The following APAF1 variants were observed in gnomAD, a reference collection of about 807,000 sequenced individuals.
The protein encoded by APAF1 is apoptotic protease-activating factor 1.
APAF1 carries 91 observed loss-of-function variants against 152.4 expected under a neutral mutation model. The observed-to-expected ratio is 0.60, with a 90% CI of 0.50 to 0.71. The LOEUF is 0.71. APAF1 is among the 30% of genes least tolerant of loss of function. The pLI is 0.00. For synonymous variants in APAF1, 484 were observed against 494.1 expected (o/e 0.98, Z 0.27); for missense variants, 1,283 against 1,472.0 (o/e 0.87, Z 2.10).
intron 22 of APAF1, 39 bp from the exon 23 acceptor site, chr12:98,723,154 G>T: frequency 1.2e-6 from 2 of 1,604,356 alleles, no homozygotes; most frequent in South Asian, 2.2e-5. Context: ...AGATAGGATC[G>T]GGGGAGGATT....
chr12:98,665,590 A>G lies in APAF1; in HGVS notation c.993A>G (p.Leu331=), dbSNP rs199648389. 6.2e-7 allele frequency: 1 copy of G among 1,613,592 alleles called. No individual in the cohort carries two copies. Among genetic ancestry groups the G allele is most frequent in the East Asian group, 2.2e-5 (1 of 44,858 alleles). The stretch of plus-strand genomic sequence containing the variant: ...TAGTATCTTTAATTGGTGCACTTTT[A>G]CGTGATTTTCCCAATCGCTGGGAGT... ...PLVVSLIGAL[L]RDFPNRWEYY... The change falls in exon 8 of 27, where the codon TTA becomes TTG. Residue 331 remains leucine, a synonymous_variant. Transcript: ENST00000551964.
intron 22 of APAF1, among the ~76,000 whole-genome samples, chr12:98,716,617 T>C (rs1450189812): frequency 2.0e-5 from 3 of 152,240 alleles, no homozygotes; most frequent in Non-Finnish European, 2.9e-5. Flanking sequence ...CCCAGAATCT[T>C]GAAATTTCCT....
At chr12:98,658,809 T>G (rs780565840) in intron 4 of APAF1, among the ~76,000 whole-genome samples, 34 of 152,176 alleles carry the variant, frequency 2.2e-4, no homozygotes, top group Non-Finnish European at 4.3e-4. Flanking sequence ...GACAGTCCCT[T>G]ACAACAAAGA....
rs754044920 is a variant in APAF1, at chr12:98,727,184, C to T, written c.3468C>T (p.Val1156=). Residue 1156 remains valine, a synonymous_variant, in exon 26 of 27, where the codon GTC becomes GTT. Transcript: ENST00000551964. ...DDNGEIRIWN[V]SNGELLHLCA... ...TCATGTTTATGTAGATATGGAATGT[C>T]TCAAACGGTGAGCTTCTTCATTTGT... 1.2e-6 allele frequency: 2 copies of T among 1,613,958 alleles called. No individual in the cohort carries two copies. Among genetic ancestry groups the T allele is most frequent in the East Asian group, 2.2e-5 (1 of 44,886 alleles).
chr12:98,670,759 A>G, intron 10 of APAF1: 1 of 388,224 alleles, frequency 2.6e-6, no homozygotes, highest in South Asian at 7.2e-5. Flanking sequence ...TTTTCTATTT[A>G]AATTTTTAAC....
In APAF1 at chr12:98,657,080, TC is replaced by T. The variant is rs1222793351; in HGVS notation, c.527-2077del. On this transcript the variant is annotated intron_variant, in intron 4 of 26. Coordinates refer to ENST00000551964, the MANE Select transcript of APAF1 (RefSeq NM_181861.2). ...TCTCCTGTGAACATTTCTTAACTCT[TC>T]CCTGATTACAGGCTAGACCCTGATC... Among the ~76,000 whole-genome samples the T allele has an allele frequency of 2.0e-5, 3 of 152,196 alleles. No homozygotes were observed. In the East Asian group the frequency reaches 5.8e-4, roughly 29 times the overall value.
At position 98,662,809 on chromosome 12, in the gene APAF1, A is replaced by C; in HGVS notation, c.955+3A>C. ...TAGTATTATAAAAGAATGTAAAGGT[A>C]TGGTTATTTATTTGTTTATGAGGAG... On this transcript the variant is annotated splice_donor_region_variant and intron_variant, in intron 7 of 26. Coordinates refer to ENST00000551964, the MANE Select transcript of APAF1 (RefSeq NM_181861.2). 6.2e-7 allele frequency: 1 copy of C among 1,606,982 alleles called. No homozygotes were observed.
intron 17 of APAF1, among the ~76,000 whole-genome samples, chr12:98,700,326 C>T (rs1371445465): frequency 6.6e-6 from 1 of 152,158 alleles, no homozygotes; most frequent in Non-Finnish European, 1.5e-5. Context: ...CTTACATTCT[C>T]ATCTAATAGT....
chr12:98,704,941 G>A lies in APAF1; in HGVS notation c.2595+1442G>A, dbSNP rs540462354. 4.6e-5 allele frequency among the ~76,000 whole-genome samples: 7 copies of A among 152,058 alleles called. No homozygotes were observed. In the East Asian group the frequency reaches 7.7e-4, roughly 17 times the overall value. ...ATTACAGGTGCCCACCAGCATGCCC[G>A]GCTAATTTTTTTTTGTATTTTTCAT... On this transcript the variant is annotated intron_variant, in intron 18 of 26. Transcript: ENST00000551964.
At chr12:98,647,003 A>T (rs913632232) in intron 1 of APAF1, among the ~76,000 whole-genome samples, 1 of 145,752 alleles carries the variant, frequency 6.9e-6, no homozygotes. Context: ...CTTATGTTTG[A>T]TAAGGAAAAC....
chr12:98,686,703 A>C, intron 15 of APAF1, 45 bp from the exon 16 acceptor site: 1 of 1,579,482 alleles, frequency 6.3e-7, no homozygotes, highest in Admixed American at 1.7e-5. Flanking sequence ...ATGTTTCCCC[A>C]CTCAATACTA....
intron 12 of APAF1, among the ~76,000 whole-genome samples, chr12:98,675,879 C>A (rs1174980129): frequency 6.6e-6 from 1 of 152,174 alleles, no homozygotes; most frequent in Non-Finnish European, 1.5e-5. Context: ...ATCACTTGAT[C>A]TGTCTTGTGT....
chr12:98,712,421 A>C lies in APAF1; in HGVS notation c.2944A>C (p.Asn982His). The change falls in exon 21 of 27, where the codon AAT becomes CAT. Residue 982 changes from asparagine to histidine, a missense_variant. Physicochemically the swap from Asn to His is moderately conservative, Grantham distance 68. Coordinates refer to ENST00000551964, the MANE Select transcript of APAF1 (RefSeq NM_181861.2). ...TCAGTACATTGCATTTGGAGATGAAAATGGAGCCATTGAGGTATTCAGTGC... is the reference window on the plus strand; with the variant it reads ...TCAGTACATTGCATTTGGAGATGAACATGGAGCCATTGAGGTATTCAGTGC... ...HLQYIAFGDE[N>H]GAIEILELVN... 1 of 1,598,802 alleles carries C rather than the reference A, an allele frequency of 6.3e-7. No homozygotes were observed. Among genetic ancestry groups the C allele is most frequent in the Non-Finnish European group, 8.6e-7 (1 of 1,166,160 alleles).
At chr12:98,673,468 C>A (rs369895498) in intron 12 of APAF1, among the ~76,000 whole-genome samples, 3,281 of 147,388 alleles carry the variant, frequency 0.022, 132 homozygotes, top group African/African-American at 0.076. Context: ...AAAAAAAAAA[C>A]CTTGGGTCTG....
In APAF1 at chr12:98,733,157, A is replaced by G. The variant is rs1169399786; in HGVS notation, c.*591A>G. ...CCACCTTTTTTTTTTGTTTTTGGAG[A>G]CAGAGTCTTGCTTTGTTGCCAGGCT... On this transcript the variant is annotated 3_prime_UTR_variant, in exon 27 of 27. Coordinates refer to ENST00000551964, the MANE Select transcript of APAF1 (RefSeq NM_181861.2). 1 of 152,886 alleles carries G rather than the reference A, an allele frequency of 6.5e-6. No individual in the cohort carries two copies. The highest frequency in any genetic ancestry group is 1.9e-4 in the East Asian group (1 of 5,244). The allele number at this position is 152,886 out of a possible 1,614,324, so 9.5% of individuals were successfully genotyped here.
chr12:98,697,717 T>C (rs917875641), intron 16 of APAF1, among the ~76,000 whole-genome samples: 1 of 152,200 alleles, frequency 6.6e-6, no homozygotes, highest in Non-Finnish European at 1.5e-5. Context: ...CACACTGATA[T>C]AATGACAGGT....
At chr12:98,700,964 A>G (rs981786192) in intron 17 of APAF1, among the ~76,000 whole-genome samples, 1 of 151,382 alleles carries the variant, frequency 6.6e-6, no homozygotes, top group African/African-American at 2.4e-5. Context: ...ATAATATTCC[A>G]TTGTATGTAT....
At chr12:98,719,793 GC>G (rs1486748711) in intron 22 of APAF1, among the ~76,000 whole-genome samples, 12 of 152,108 alleles carry the variant, frequency 7.9e-5, no homozygotes, top group South Asian at 2.1e-4. Flanking sequence ...TTTTAGTAGG[GC>G]TTTAGAAGTG....
At position 98,723,644 on chromosome 12, in the gene APAF1, G is replaced by A. The variant is rs2153343972; in HGVS notation, c.3210G>A (p.Trp1070Ter). The A allele has an allele frequency of 1.3e-6, 2 of 1,567,624 alleles. No individual in the cohort carries two copies. The highest frequency in any genetic ancestry group is 2.2e-5 in the East Asian group (1 of 44,490). The change falls in exon 24 of 27, where the codon TGG (tryptophan) becomes TGA (stop). Residue 1070 changes from tryptophan to a stop codon, truncating the protein, a stop_gained. Coordinates refer to ENST00000551964, the MANE Select transcript of APAF1 (RefSeq NM_181861.2). LOFTEE classifies it high-confidence loss of function. ...SWSFDGTVKV[W>*]NIITGNKEKD... ...GTTTTTTTTTTTTTTTTAAGGTATGGAATATTATTACTGGAAATAAAGAAA... is the reference window on the plus strand; with the variant it reads ...GTTTTTTTTTTTTTTTTAAGGTATGAAATATTATTACTGGAAATAAAGAAA...
Sources: allele counts gnomAD v4.1 joint callset (sites outside exome capture counted in the v4.1 genomes callset), GRCh38; gene constraint gnomAD v4.1.1; transcripts MANE v1.5; gene names NCBI Gene and HGNC (gene_info 2026-07-23, HGNC 2026-07-21).